The following GPHN variants were observed in gnomAD, a reference collection of about 807,000 sequenced individuals.
GPHN encodes gephyrin.
A neutral mutation model predicts 95.5 loss-of-function variants in GPHN; 17 were observed. The observed-to-expected ratio is 0.18, with a 90% CI of 0.12 to 0.27. The LOEUF (loss-of-function observed/expected upper bound fraction) is 0.27, where lower values mean the gene tolerates loss of function less well. Among genes scored for constraint, GPHN ranks in the 10% least tolerant of loss-of-function variants. The pLI is 1.00. For missense variants in GPHN, 660 were observed against 978.1 expected (o/e 0.67, Z 4.34); for synonymous variants, 320 against 322.5 (o/e 0.99, Z 0.08).
At chr14:67,188,191 C>T in the GPHN span, among the ~76,000 whole-genome samples, 73 of 152,266 alleles carry the variant, frequency 4.8e-4, no homozygotes, top group African/African-American at 1.7e-3. Flanking sequence ...TGCTCACGGA[C>T]CTCACTTTGA....
chr14:66,714,316 G>A (rs190259490), intron 2 of GPHN, among the ~76,000 whole-genome samples: 1 of 152,232 alleles, frequency 6.6e-6, no homozygotes, highest in Non-Finnish European at 1.5e-5. Context: ...TTTGTGTGTA[G>A]AAGAGCTACT....
intron 1 of GPHN, among the ~76,000 whole-genome samples, chr14:66,519,690 A>G (rs1485790685): frequency 1.3e-5 from 2 of 152,076 alleles, no homozygotes; most frequent in East Asian, 1.9e-4. Context: ...TTGCTCATAC[A>G]TAGTATTTTG....
At chr14:67,671,798 G>A in the GPHN span, among the ~76,000 whole-genome samples, 4 of 152,130 alleles carry the variant, frequency 2.6e-5, no homozygotes, top group Non-Finnish European at 5.9e-5. Flanking sequence ...GGCAGAAGAT[G>A]GAAGGGCAAC....
At chr14:67,147,497 G>A (rs1223214122) in intron 18 of GPHN, among the ~76,000 whole-genome samples, 1 of 134,596 alleles carries the variant, frequency 7.4e-6, no homozygotes, top group Non-Finnish European at 1.5e-5. Context: ...GTATTTCACA[G>A]TAGGGTTTTT....
intron 1 of GPHN, among the ~76,000 whole-genome samples, chr14:66,661,493 G>T (rs76002950): frequency 6.6e-6 from 1 of 151,468 alleles, no homozygotes; most frequent in Non-Finnish European, 1.5e-5. Context: ...ATTTCTCTTT[G>T]GGACTGAGTG....
intron 9 of GPHN, chr14:66,985,705 CA>C (rs1427932387): frequency 6.5e-7 from 1 of 1,531,466 alleles, no homozygotes; most frequent in Non-Finnish European, 8.7e-7. Flanking sequence ...CGGATGAAAG[CA>C]AAGGAGTTGC....
Position 67,181,516 on chromosome 14 carries a change from G to A in GPHN, c.*579G>A, listed in dbSNP as rs747158197. On this transcript the variant is annotated 3_prime_UTR_variant, in exon 23 of 23. Transcript: ENST00000478722. ...AGGTTTCTCGCCCCAATAGCCTCAC[G>A]GCACAGTACTCTTGGGCAGTAACTG... 3.3e-5 allele frequency: 17 copies of A among 513,696 alleles called. No individual in the cohort carries two copies. The highest frequency in any genetic ancestry group is 2.2e-4 in the East Asian group (5 of 23,174). The allele number at this position is 513,696 out of a possible 1,614,324, so 31.8% of individuals were successfully genotyped here. A position where few individuals can be genotyped will look rare whatever the true frequency, so the allele number is the denominator to read the frequency against.
chr14:67,238,277 T>C, the GPHN span, among the ~76,000 whole-genome samples: 4 of 150,678 alleles, frequency 2.7e-5, no homozygotes, highest in Non-Finnish European at 5.9e-5. Context: ...TTCTTTTTTT[T>C]TTTTTTTTTT....
intron 3 of GPHN, among the ~76,000 whole-genome samples, chr14:66,792,279 G>A (rs1313514710): frequency 6.6e-6 from 1 of 152,024 alleles, no homozygotes; most frequent in Non-Finnish European, 1.5e-5. Context: ...CTGACAGGAG[G>A]ATCACTTGAG....
chr14:67,185,898 GTAAA>G (rs2083365913), downstream of GPHN, among the ~76,000 whole-genome samples: 1 of 152,156 alleles, frequency 6.6e-6, no homozygotes, highest in Admixed American at 6.5e-5. Flanking sequence ...AGAATTCAAA[GTAAA>G]TAAACTGTAT....
chr14:67,685,292 G>A, the GPHN span: 1 of 1,049,766 alleles, frequency 9.5e-7, no homozygotes, highest in Non-Finnish European at 1.4e-6. Context: ...ATAAGCATGT[G>A]ACCTTCACAT....
At chr14:66,608,484 T>A (rs1386309027) in intron 1 of GPHN, among the ~76,000 whole-genome samples, 1 of 152,154 alleles carries the variant, frequency 6.6e-6, no homozygotes. Context: ...GACTATTCTA[T>A]AGATGTCTAT....
At chr14:66,630,618 C>A (rs966285100) in intron 1 of GPHN, among the ~76,000 whole-genome samples, 2 of 152,004 alleles carry the variant, frequency 1.3e-5, no homozygotes, top group Non-Finnish European at 2.9e-5. Flanking sequence ...ACTACAGGTG[C>A]CCATCACCAC....
At chr14:66,580,498 A>G (rs575822745) in intron 1 of GPHN, among the ~76,000 whole-genome samples, 1 of 151,942 alleles carries the variant, frequency 6.6e-6, no homozygotes, top group African/African-American at 2.4e-5. Context: ...TCAGAAATGA[A>G]AGAGGAGACA....
chr14:67,314,605 T>C, the GPHN span, among the ~76,000 whole-genome samples: 1 of 152,238 alleles, frequency 6.6e-6, no homozygotes, highest in East Asian at 1.9e-4. Flanking sequence ...TTGTGCCAAA[T>C]ATCAGTATGG....
the GPHN span, among the ~76,000 whole-genome samples, chr14:67,480,558 G>A: frequency 1.3e-5 from 2 of 152,160 alleles, no homozygotes; most frequent in African/African-American, 4.8e-5. Context: ...CCAGGCTCCA[G>A]GGGAACACAC....
chr14:66,597,203 T>C (rs1331798265), intron 1 of GPHN, among the ~76,000 whole-genome samples: 1 of 152,128 alleles, frequency 6.6e-6, no homozygotes, highest in Non-Finnish European at 1.5e-5. Flanking sequence ...CAAACCGGGT[T>C]ATTGGAAGAC....
the GPHN span, chr14:67,334,048 T>C: frequency 7.2e-5 from 11 of 152,590 alleles, no homozygotes; most frequent in Non-Finnish European, 1.0e-4. Flanking sequence ...AATAAAATTA[T>C]ATATGTCCTT....
chr14:67,340,124 C>A, the GPHN span: 1 of 235,672 alleles, frequency 4.2e-6, no homozygotes, highest in South Asian at 7.4e-5. Flanking sequence ...ACAGATCAAA[C>A]TCCTTGTTCT....
Sources: gnomAD v4.1 joint callset for allele counts (sites outside exome capture counted in the v4.1 genomes callset) on GRCh38, gnomAD v4.1.1 for gene constraint, MANE v1.5 for transcripts, NCBI Gene and HGNC (gene_info 2026-07-23, HGNC 2026-07-21) for gene names.